Variants in MSANTD4 observed in about 807,000 individuals in gnomAD.
MSANTD4 encodes the protein Myb/SANT DNA binding domain containing 4 with coiled-coils.
Under a neutral mutation model 34.3 loss-of-function variants are expected in MSANTD4, and 13 were observed. The ratio of observed to expected loss-of-function variants is 0.38; its 90% CI spans 0.25 to 0.60. MSANTD4 has a LOEUF of 0.60. Among genes scored for constraint, MSANTD4 ranks in the 20% least tolerant of loss-of-function variants. The pLI is 0.63. For synonymous variants in MSANTD4, 137 were observed against 145.2 expected, an observed-to-expected ratio of 0.94 and a Z score of 0.41; for missense variants, 358 against 401.8, an observed-to-expected ratio of 0.89 and a Z score of 0.93.
chr11:106,012,594 T>C (rs1859728926), intron 1 of MSANTD4, among the ~76,000 whole-genome samples: 1 of 152,218 alleles, frequency 6.6e-6, no homozygotes, highest in South Asian at 2.1e-4. Flanking sequence ...GTTTCTCCAA[T>C]TTCCAGAATC....
chr11:106,009,764 T>A lies in MSANTD4; in HGVS notation c.809A>T (p.Asn270Ile), dbSNP rs145808552. The A allele has an allele frequency of 6.2e-7, 1 of 1,614,238 alleles. No individual in the cohort carries two copies. Among genetic ancestry groups the A allele is most frequent in the East Asian group, 2.2e-5 (1 of 44,886 alleles). ...ATTTTCCAAGGACGGTTTCTCTGAATTGACTATCTGTAACCTCAACTTTTC... is the reference window on the plus strand; with the variant it reads ...ATTTTCCAAGGACGGTTTCTCTGAAATGACTATCTGTAACCTCAACTTTTC... Reference protein sequence around the residue: ...EREKLRLQIVNSEKPSLENEL... With the variant: ...EREKLRLQIVISEKPSLENEL... Residue 270 changes from asparagine (N) to isoleucine (I), a missense_variant, in exon 3 of 3, where the codon AAT becomes ATT. By Grantham distance (149) the Asn-to-Ile change is moderately radical. Coordinates refer to ENST00000301919, the MANE Select transcript of MSANTD4 (RefSeq NM_032424.3).
chr11:106,014,744 G>A (rs750113629), intron 1 of MSANTD4, among the ~76,000 whole-genome samples: 17 of 152,156 alleles, frequency 1.1e-4, no homozygotes, highest in Admixed American at 3.9e-4. Flanking sequence ...GACTTTGTAC[G>A]TGTCTAATAA....
rs1474050973 is a variant in MSANTD4, at chr11:106,010,852, T to C, written c.66A>G (p.Lys22=). The C allele has an allele frequency of 3.1e-6, 5 of 1,613,852 alleles. No individual in the cohort carries two copies. The Admixed American group carries it at 8.3e-5, about 27-fold the overall frequency. ...TGACTTCTTTCCTTTTCGTAATTTC[T>C]TTCAAAAGGGTCTGAGTTTCTTGAA... is the stretch of plus-strand genomic sequence containing the variant. The part of the protein sequence containing the change: ...FSVQETQTLL[K]EITKRKEVIF... Residue 22 remains lysine (K), a synonymous_variant, in exon 2 of 3, where the codon AAA becomes AAG. Transcript: ENST00000301919.
chr11:106,010,115 G>C lies in MSANTD4; in HGVS notation c.463-5C>G. 1 of 1,544,008 alleles carries C rather than the reference G, an allele frequency of 6.5e-7. No homozygotes were observed. Among genetic ancestry groups the C allele is most frequent in the Non-Finnish European group, 8.7e-7 (1 of 1,153,840 alleles). ...TTCCTCCTCCTCAATTTCAAACTAA[G>C]AGCAAAGAGAAAAGCAATTTTCAGT... On this transcript the variant is annotated splice_polypyrimidine_tract_variant and splice_region_variant and intron_variant, in intron 2 of 2. Coordinates refer to ENST00000301919, the MANE Select transcript of MSANTD4 (RefSeq NM_032424.3).
intron 1 of MSANTD4, among the ~76,000 whole-genome samples, chr11:106,019,601 T>C (rs140413720): frequency 1.3e-5 from 2 of 152,300 alleles, no homozygotes; most frequent in East Asian, 3.9e-4. Flanking sequence ...CTTGTTTAAA[T>C]GTCTTCTGTT....
At chr11:106,012,264 T>A (rs1859719596) in intron 1 of MSANTD4, among the ~76,000 whole-genome samples, 1 of 152,154 alleles carries the variant, frequency 6.6e-6, no homozygotes, top group Admixed American at 6.5e-5. Flanking sequence ...TGTAATTCTG[T>A]TCCTCAAAGC....
At chr11:106,010,175 T>C in intron 2 of MSANTD4, 65 bp from the exon 3 acceptor site, 2 of 1,425,144 alleles carry the variant, frequency 1.4e-6, no homozygotes, top group Non-Finnish European at 1.9e-6. Context: ...TGTCTAAATA[T>C]TTCTTAAAAG....
rs1047727654 is a variant in MSANTD4 at position 106,008,127 on chromosome 11, T to C, written c.*1408A>G. The C allele has an allele frequency of 6.6e-6, 1 of 152,616 alleles. No individual in the cohort carries two copies. The highest frequency in any genetic ancestry group is 2.4e-5 in the African/African-American group (1 of 41,442). The allele number at this position is 152,616 out of a possible 1,614,324, so 9.5% of individuals were successfully genotyped here. The stretch of plus-strand genomic sequence containing the variant: ...GCTGTATTAAAGCTACGTATCAACC[T>C]TGAAAATCAGAAAACACAAAGTGAT... On this transcript the variant is annotated 3_prime_UTR_variant, in exon 3 of 3. Transcript: ENST00000301919.
chr11:106,009,463 C>A lies in MSANTD4; in HGVS notation c.*72G>T. The A allele has an allele frequency of 7.1e-7, 1 of 1,400,810 alleles. No individual in the cohort carries two copies. Among genetic ancestry groups the A allele is most frequent in the Non-Finnish European group, 9.7e-7 (1 of 1,030,040 alleles). The allele number at this position is 1,400,810 out of a possible 1,614,324, so 86.8% of individuals were successfully genotyped here. On this transcript the variant is annotated 3_prime_UTR_variant, in exon 3 of 3. Transcript: ENST00000301919. ...CAAGAAACCACAGCTAATCCAGCAA[C>A]CATCATTATATCACCTGATATGAGA...
rs1859582424 is a variant in MSANTD4 at position 106,008,153 on chromosome 11, C to G, written c.*1382G>C. The G allele has an allele frequency of 6.6e-6, 1 of 152,544 alleles. No individual in the cohort carries two copies. The highest frequency in any genetic ancestry group is 2.1e-4 in the South Asian group (1 of 4,834). The allele number at this position is 152,544 out of a possible 1,614,324, so 9.4% of individuals were successfully genotyped here. On this transcript the variant is annotated 3_prime_UTR_variant, in exon 3 of 3. Transcript: ENST00000301919. ...TGAAAATCAGAAAACACAAAGTGAT[C>G]TAGTGCAGTGATTCTCAACTTTAGT...
chr11:106,012,415 A>G (rs1248683243), intron 1 of MSANTD4, among the ~76,000 whole-genome samples: 1 of 152,052 alleles, frequency 6.6e-6, no homozygotes, highest in Non-Finnish European at 1.5e-5. Flanking sequence ...AGTACTTTGT[A>G]TTTTTCTGGG....
At chr11:106,020,259 G>C (rs192292025) in intron 1 of MSANTD4, among the ~76,000 whole-genome samples, 101 of 152,286 alleles carry the variant, frequency 6.6e-4, no homozygotes, top group Non-Finnish European at 1.2e-3. Context: ...AGAAATAAAA[G>C]AAAGAAGTAT....
chr11:106,015,508 G>A (rs1055387307), intron 1 of MSANTD4, among the ~76,000 whole-genome samples: 3 of 152,176 alleles, frequency 2.0e-5, no homozygotes, highest in Admixed American at 1.3e-4. Flanking sequence ...TAAGTTGAGG[G>A]ATAGGTCCCA....
chr11:106,016,540 A>G (rs1406710235), intron 1 of MSANTD4, among the ~76,000 whole-genome samples: 1 of 152,206 alleles, frequency 6.6e-6, no homozygotes, highest in Non-Finnish European at 1.5e-5. Context: ...AGGAGGAGGT[A>G]AAAATATGAA....
At chr11:106,015,607 C>T (rs1310308466) in intron 1 of MSANTD4, among the ~76,000 whole-genome samples, 1 of 152,066 alleles carries the variant, frequency 6.6e-6, no homozygotes, top group Non-Finnish European at 1.5e-5. Flanking sequence ...GAATCAATTG[C>T]GGACATCTCT....
chr11:106,010,596 T>C lies in MSANTD4; in HGVS notation c.322A>G (p.Thr108Ala). Reference sequence around the variant, plus strand: ...CCAATCTTTTCATCTATCTCTTCAGTGAGAGAGTCATCCAAATCAGAGGAG... The same window carrying C: ...CCAATCTTTTCATCTATCTCTTCAGCGAGAGAGTCATCCAAATCAGAGGAG... ...LPSSDLDDSL[T>A]EEIDEKIGFR... Residue 108 changes from threonine (T) to alanine (A), a missense_variant, in exon 2 of 3, where the codon ACT becomes GCT. Thr to Ala is a moderately conservative substitution (Grantham distance 58, BLOSUM62 0). Transcript: ENST00000301919. 6.2e-7 allele frequency: 1 copy of C among 1,614,188 alleles called. No individual in the cohort carries two copies. The highest frequency in any genetic ancestry group is 1.7e-5 in the Admixed American group (1 of 60,018).
At chr11:106,010,376 A>T in intron 2 of MSANTD4, 80 bp downstream of exon 2, 2 of 1,506,520 alleles carry the variant, frequency 1.3e-6, no homozygotes, top group Non-Finnish European at 1.8e-6. Context: ...AAATCTTGGA[A>T]TGTGTTAACA....
At chr11:106,011,946 A>G (rs183619852) in intron 1 of MSANTD4, among the ~76,000 whole-genome samples, 1 of 152,304 alleles carries the variant, frequency 6.6e-6, no homozygotes, top group Admixed American at 6.5e-5. Context: ...TCACAAATTC[A>G]AACTCATTTT....
In MSANTD4 at chr11:106,011,009, G is replaced by A. The variant is rs1395015187; in HGVS notation, c.-92C>T. The A allele has an allele frequency of 9.7e-6, 14 of 1,448,344 alleles. No individual in the cohort carries two copies. The highest frequency in any genetic ancestry group is 1.2e-5 in the Non-Finnish European group (13 of 1,105,604). The allele number at this position is 1,448,344 out of a possible 1,614,324, so 89.7% of individuals were successfully genotyped here. ...AAAAACCAGGGATAATTCTTTGCTG[G>A]CCCTTAGTTCAAATCATTGTCTTCC... is the stretch of plus-strand genomic sequence containing the variant. On this transcript the variant is annotated 5_prime_UTR_variant, in exon 2 of 3. Coordinates refer to ENST00000301919, the MANE Select transcript of MSANTD4 (RefSeq NM_032424.3).
Sources: allele counts gnomAD v4.1 joint callset (sites outside exome capture counted in the v4.1 genomes callset), GRCh38; gene constraint gnomAD v4.1.1; transcripts MANE v1.5; gene names NCBI Gene and HGNC (gene_info 2026-07-23, HGNC 2026-07-21).